The following ADGRL4 variants were observed in gnomAD, a reference collection of about 807,000 sequenced individuals.
ADGRL4 encodes EGF, latrophilin and seven transmembrane domain containing 1.
Under a neutral mutation model 74.8 loss-of-function variants are expected in ADGRL4, and 90 were observed. The observed-to-expected ratio is 1.20, with a 90% CI of 1.02 to 1.43. ADGRL4 has a LOEUF of 1.43. ADGRL4 is among the 40% of genes most tolerant of loss of function. The probability of loss-of-function intolerance (pLI) is 0.00; values close to 1 mark genes in which losing one functional copy is unlikely to be tolerated. For synonymous variants in ADGRL4, 311 were observed against 279.2 expected, an observed-to-expected ratio of 1.11 and a Z score of -1.14; for missense variants, 881 against 814.3, an observed-to-expected ratio of 1.08 and a Z score of -1.00.
intron 2 of ADGRL4, among the ~76,000 whole-genome samples, chr1:78,991,240 T>G (rs765501975): frequency 6.6e-6 from 1 of 152,070 alleles, no homozygotes. Context: ...TGATGTTATA[T>G]ACACAAAAGA....
At chr1:78,902,102 G>A (rs1570213169) in intron 12 of ADGRL4, among the ~76,000 whole-genome samples, 1 of 152,106 alleles carries the variant, frequency 6.6e-6, no homozygotes, top group African/African-American at 2.4e-5. Flanking sequence ...GTAAACTCTT[G>A]AGATTTATAC....
chr1:78,950,928 G>A (rs994366474), intron 2 of ADGRL4, among the ~76,000 whole-genome samples: 4 of 152,110 alleles, frequency 2.6e-5, no homozygotes, highest in Admixed American at 2.6e-4. Flanking sequence ...AAATGTTGAT[G>A]TGCCTTAATT....
At chr1:78,908,708 A>G (rs1202038016) in intron 12 of ADGRL4, among the ~76,000 whole-genome samples, 1 of 151,988 alleles carries the variant, frequency 6.6e-6, no homozygotes, top group Non-Finnish European at 1.5e-5. Flanking sequence ...ACATCCTTCA[A>G]TGTAAAGCTA....
intron 8 of ADGRL4, among the ~76,000 whole-genome samples, chr1:78,923,909 C>A (rs1014495973): frequency 1.3e-5 from 2 of 151,692 alleles, no homozygotes; most frequent in East Asian, 1.9e-4. Context: ...GGAGAGATTA[C>A]CAAGAAATCA....
intron 2 of ADGRL4, among the ~76,000 whole-genome samples, chr1:78,975,382 A>G (rs1245027091): frequency 1.3e-5 from 2 of 152,118 alleles, no homozygotes; most frequent in Non-Finnish European, 2.9e-5. Flanking sequence ...TTATGATGCC[A>G]TATGTCACCC....
chr1:78,948,193 T>C (rs1195043890), intron 2 of ADGRL4, among the ~76,000 whole-genome samples: 1 of 152,106 alleles, frequency 6.6e-6, no homozygotes, highest in Non-Finnish European at 1.5e-5. Context: ...TTTGACCTGA[T>C]TTATTACTGG....
intron 12 of ADGRL4, among the ~76,000 whole-genome samples, chr1:78,907,164 T>C (rs1007320513): frequency 2.0e-5 from 3 of 152,034 alleles, no homozygotes; most frequent in Non-Finnish European, 4.4e-5. Flanking sequence ...ATGTCATAGG[T>C]AGATAGACTA....
intron 2 of ADGRL4, among the ~76,000 whole-genome samples, chr1:78,964,178 C>A (rs762542817): frequency 6.6e-6 from 1 of 152,116 alleles, no homozygotes; most frequent in South Asian, 2.1e-4. Context: ...GAGACTGATT[C>A]AAAAACTTTT....
chr1:78,947,865 G>T (rs1298801846), intron 2 of ADGRL4, among the ~76,000 whole-genome samples: 1 of 152,074 alleles, frequency 6.6e-6, no homozygotes, highest in Admixed American at 6.6e-5. Context: ...TTCAAACCAG[G>T]CTTAATTTCT....
Position 78,891,097 on chromosome 1 carries a change from T to G in ADGRL4, c.*57A>C, listed in dbSNP as rs1648260711. 6.5e-7 allele frequency: 1 copy of G among 1,536,720 alleles called. No individual in the cohort carries two copies. Among genetic ancestry groups the G allele is most frequent in the Non-Finnish European group, 9.0e-7 (1 of 1,110,706 alleles). ...ATGAGTCATTTTTATACATTGGTCA[T>G]CCACAGCTTGGAATTTTTATTTTTG... is the stretch of plus-strand genomic sequence containing the variant. On this transcript the variant is annotated 3_prime_UTR_variant, in exon 15 of 15. Transcript: ENST00000370742.
At chr1:78,907,121 T>TA (rs1336135076) in intron 12 of ADGRL4, among the ~76,000 whole-genome samples, 1 of 152,034 alleles carries the variant, frequency 6.6e-6, no homozygotes, top group African/African-American at 2.4e-5. Flanking sequence ...CAGTTAAGTG[T>TA]AAAACCTCAG....
chr1:78,936,496 T>C, intron 6 of ADGRL4, 85 bp from the exon 7 acceptor site: 1 of 1,182,156 alleles, frequency 8.5e-7, no homozygotes. Context: ...GACAATTTCA[T>C]CCATCATTAT....
intron 10 of ADGRL4, among the ~76,000 whole-genome samples, chr1:78,918,832 G>A (rs1329080502): frequency 1.3e-5 from 2 of 151,804 alleles, no homozygotes; most frequent in South Asian, 4.1e-4. Context: ...TACTCTATAA[G>A]GCTGGGGAAC....
At chr1:78,939,601 T>C (rs1312669355) in intron 3 of ADGRL4, 1 of 155,388 alleles carries the variant, frequency 6.4e-6, no homozygotes, top group Non-Finnish European at 1.4e-5. Flanking sequence ...GTACTACATA[T>C]TTTATATAGT....
At chr1:79,002,779 T>C (rs1650871350) in intron 2 of ADGRL4, among the ~76,000 whole-genome samples, 1 of 152,096 alleles carries the variant, frequency 6.6e-6, no homozygotes, top group African/African-American at 2.4e-5. Flanking sequence ...GCTATTCTAA[T>C]GTTGATGTGA....
At chr1:78,950,109 C>T (rs1649690873) in intron 2 of ADGRL4, among the ~76,000 whole-genome samples, 1 of 151,962 alleles carries the variant, frequency 6.6e-6, no homozygotes, top group Admixed American at 6.6e-5. Flanking sequence ...AAATGGCTTC[C>T]TTAGGTCATT....
At chr1:78,903,032 G>T (rs1054712175) in intron 12 of ADGRL4, among the ~76,000 whole-genome samples, 1 of 152,002 alleles carries the variant, frequency 6.6e-6, no homozygotes. Flanking sequence ...GAACACATTC[G>T]AATTCCAGCT....
rs148935277 is a variant in ADGRL4 at position 78,893,020 on chromosome 1, A to G, written c.1841+78T>C. 2.9e-4 allele frequency: 237 copies of G among 811,794 alleles called. 3 individuals carry two copies. The East Asian group carries it at 4.8e-3, about 16-fold the overall frequency. The allele number at this position is 811,794 out of a possible 1,614,324, so 50.3% of individuals were successfully genotyped here. ...ACAATCATTTAAAAATAATTCCCCA[A>G]ATTATTTGTACTTTGAGTTACTAAA... is the stretch of plus-strand genomic sequence containing the variant. On this transcript the variant is annotated intron_variant, in intron 13 of 14. Transcript: ENST00000370742.
chr1:78,952,515 C>A (rs1273196966), intron 2 of ADGRL4, among the ~76,000 whole-genome samples: 1 of 148,470 alleles, frequency 6.7e-6, no homozygotes, highest in Non-Finnish European at 1.5e-5. Flanking sequence ...AGTAAAAATA[C>A]AGGTAAAGAG....
Sources: gnomAD v4.1 joint callset for allele counts (sites outside exome capture counted in the v4.1 genomes callset) on GRCh38, gnomAD v4.1.1 for gene constraint, MANE v1.5 for transcripts, NCBI Gene and HGNC (gene_info 2026-07-23, HGNC 2026-07-21) for gene names.